RANBP2: variants seen among roughly 807,000 people sequenced by gnomAD.
RANBP2 encodes the protein RAN binding protein 2.
In RANBP2, 57 loss-of-function variants were observed where a neutral mutation model predicts 303.6. The ratio of observed to expected loss-of-function variants is 0.19; its 90% CI spans 0.15 to 0.23. The LOEUF is 0.23. Ranked by LOEUF, RANBP2 falls within the 10% of genes least tolerant of loss-of-function variation. RANBP2 has a pLI of 1.00. For missense variants in RANBP2, 3,138 were observed against 3,780.8 expected, an observed-to-expected ratio of 0.83 and a Z score of 4.46; for synonymous variants, 1,167 against 1,301.5, an observed-to-expected ratio of 0.90 and a Z score of 2.23.
At chr2:109,302,397 C>G in the RANBP2 span, among the ~76,000 whole-genome samples, 3 of 152,218 alleles carry the variant, frequency 2.0e-5, no homozygotes, top group Admixed American at 6.5e-5. Context: ...TGACCATACC[C>G]AAACACAGAA....
chr2:109,049,129 T>C, the RANBP2 span, among the ~76,000 whole-genome samples: 1 of 152,162 alleles, frequency 6.6e-6, no homozygotes, highest in African/African-American at 2.4e-5. Flanking sequence ...TAGGAGACCA[T>C]GGTGAGGAGG....
chr2:109,078,244 CGTGT>C, the RANBP2 span, among the ~76,000 whole-genome samples: 1,034 of 10,158 alleles, frequency 0.1, 32 homozygotes, highest in Non-Finnish European at 0.11. Context: ...ATATATATAG[CGTGT>C]ATATATATAT....
the RANBP2 span, chr2:109,618,152 C>T: frequency 6.0e-6 from 1 of 166,676 alleles, no homozygotes; most frequent in African/African-American, 2.4e-5. Context: ...GGTGAAAAAC[C>T]AATCTAATTT....
chr2:109,203,294 G>A, the RANBP2 span, among the ~76,000 whole-genome samples: 1 of 152,330 alleles, frequency 6.6e-6, no homozygotes, highest in East Asian at 1.9e-4. Flanking sequence ...GGCTACAGGT[G>A]GCTCTCTCAG....
chr2:109,003,205 CAAAAAAAAAA>C, the RANBP2 span, among the ~76,000 whole-genome samples: 2 of 45,434 alleles, frequency 4.4e-5, no homozygotes, highest in African/African-American at 1.6e-4. Context: ...GTCTCCCTCT[CAAAAAAAAAA>C]AAAAAAAAAA....
chr2:109,202,100 C>T, the RANBP2 span, among the ~76,000 whole-genome samples: 5 of 152,212 alleles, frequency 3.3e-5, no homozygotes, highest in East Asian at 3.9e-4. Context: ...CCCCTCGAGG[C>T]GATCTCGGCC....
chr2:109,686,621 T>C, the RANBP2 span, among the ~76,000 whole-genome samples: 2,534 of 151,750 alleles, frequency 0.017, 19 homozygotes, highest in Non-Finnish European at 0.028. Flanking sequence ...CTTCTTACTA[T>C]TTTTTTTTAA....
the RANBP2 span, chr2:108,896,709 T>C: frequency 1.6e-6 from 1 of 607,314 alleles, no homozygotes; most frequent in Admixed American, 2.9e-5. Context: ...CATCTGAAAG[T>C]ATCCCGGCTC....
At chr2:109,592,829 T>C in the RANBP2 span, among the ~76,000 whole-genome samples, 2 of 151,856 alleles carry the variant, frequency 1.3e-5, no homozygotes, top group Non-Finnish European at 2.9e-5. Flanking sequence ...ATTTCCTTAA[T>C]GTCAGAATAT....
chr2:109,473,675 G>A, the RANBP2 span, among the ~76,000 whole-genome samples: 1 of 152,244 alleles, frequency 6.6e-6, no homozygotes, highest in East Asian at 1.9e-4. Flanking sequence ...GAGGGAGGAA[G>A]CAGCGTGCCA....
At chr2:108,965,428 G>A in the RANBP2 span, among the ~76,000 whole-genome samples, 1 of 145,848 alleles carries the variant, frequency 6.9e-6, no homozygotes, top group South Asian at 2.2e-4. Context: ...TCACGCCACT[G>A]CACTCCAACC....
At chr2:109,689,227 C>T in the RANBP2 span, among the ~76,000 whole-genome samples, 20 of 152,088 alleles carry the variant, frequency 1.3e-4, no homozygotes, top group African/African-American at 4.3e-4. Flanking sequence ...TTTCTAGGAA[C>T]CTGTTACCTC....
the RANBP2 span, among the ~76,000 whole-genome samples, chr2:109,314,933 G>C: frequency 1.3e-5 from 2 of 152,146 alleles, no homozygotes; most frequent in Non-Finnish European, 2.9e-5. Context: ...TCGTCTCCCC[G>C]TATGAATCTC....
At chr2:108,752,543 C>T (rs1167544206) in intron 12 of RANBP2, among the ~76,000 whole-genome samples, 1 of 145,258 alleles carries the variant, frequency 6.9e-6, no homozygotes, top group Admixed American at 7.2e-5. Context: ...GAGGCCGAGG[C>T]GGGCAGATCA....
the RANBP2 span, chr2:108,930,961 T>C: frequency 8.1e-6 from 13 of 1,613,686 alleles, no homozygotes; most frequent in Non-Finnish European, 1.0e-5. Context: ...TCAGACCACT[T>C]ACCACCAGGA....
At chr2:109,236,675 A>G in the RANBP2 span, among the ~76,000 whole-genome samples, 3 of 152,232 alleles carry the variant, frequency 2.0e-5, no homozygotes, top group African/African-American at 7.2e-5. Context: ...CCTAAAGGTC[A>G]AGGTCGAAGA....
At chr2:109,472,679 G>A in the RANBP2 span, among the ~76,000 whole-genome samples, 1 of 152,166 alleles carries the variant, frequency 6.6e-6, no homozygotes, top group South Asian at 2.1e-4. Context: ...AATTTTTCCT[G>A]TTTCATTCCA....
At chr2:109,188,052 C>G in the RANBP2 span, among the ~76,000 whole-genome samples, 3 of 152,216 alleles carry the variant, frequency 2.0e-5, no homozygotes, top group African/African-American at 7.2e-5. Flanking sequence ...GCTTGCAGCC[C>G]ACCCCGTGAG....
the RANBP2 span, among the ~76,000 whole-genome samples, chr2:109,328,537 C>G: frequency 6.6e-6 from 1 of 152,168 alleles, no homozygotes; most frequent in African/African-American, 2.4e-5. Flanking sequence ...AGAACACTTT[C>G]TAGGTGGGGC....
Sources: allele counts gnomAD v4.1 joint callset (sites outside exome capture counted in the v4.1 genomes callset), GRCh38; gene constraint gnomAD v4.1.1; transcripts MANE v1.5; gene names NCBI Gene and HGNC (gene_info 2026-07-23, HGNC 2026-07-21).